The following FUT8 variants were observed in gnomAD, a reference collection of about 807,000 sequenced individuals.
FUT8 encodes alpha-(1,6)-fucosyltransferase.
FUT8 carries 29 observed loss-of-function variants against 71.3 expected under a neutral mutation model. The ratio of observed to expected loss-of-function variants is 0.41; its 90% CI spans 0.30 to 0.55. The LOEUF is 0.55. FUT8 is among the 20% of genes least tolerant of loss of function. The pLI is 0.34. For missense variants in FUT8, 544 were observed against 702.1 expected, an observed-to-expected ratio of 0.77 and a Z score of 2.55; for synonymous variants, 254 against 239.3, an observed-to-expected ratio of 1.06 and a Z score of -0.57.
At chr14:65,629,694 C>T in intron 6 of FUT8, 88 bp downstream of exon 6, 1 of 869,810 alleles carries the variant, frequency 1.1e-6, no homozygotes, top group South Asian at 1.5e-5. Context: ...TGTTTTTAGT[C>T]TTCCTGGCCC....
intron 3 of FUT8, among the ~76,000 whole-genome samples, chr14:65,591,822 T>C (rs1434294823): frequency 1.3e-5 from 2 of 151,632 alleles, no homozygotes; most frequent in Non-Finnish European, 2.9e-5. Flanking sequence ...ATGTGCACTA[T>C]TGAAGCATTG....
At chr14:65,439,954 G>GTATATGTATATATA (rs2065621718) in intron 1 of FUT8, among the ~76,000 whole-genome samples, 1 of 74,984 alleles carries the variant, frequency 1.3e-5, no homozygotes. Context: ...GTGTGTGTGT[G>GTATATGTATATATA]TATATATATA....
At chr14:65,546,555 T>G (rs1301729545) in intron 2 of FUT8, among the ~76,000 whole-genome samples, 1 of 151,862 alleles carries the variant, frequency 6.6e-6, no homozygotes, top group African/African-American at 2.4e-5. Context: ...CATAATTTGT[T>G]TATCCATTCA....
At chr14:65,562,437 G>T (rs760848531) in intron 3 of FUT8, among the ~76,000 whole-genome samples, 11 of 152,060 alleles carry the variant, frequency 7.2e-5, no homozygotes, top group Non-Finnish European at 1.3e-4. Flanking sequence ...TTTCTAGTCT[G>T]TAAAAAATGT....
intron 7 of FUT8, among the ~76,000 whole-genome samples, chr14:65,675,016 A>C (rs1001328083): frequency 6.6e-6 from 1 of 152,262 alleles, no homozygotes; most frequent in African/African-American, 2.4e-5. Flanking sequence ...CACAAAAGAA[A>C]GAAAGATCTT....
rs1890305879 is a variant in FUT8 at position 65,633,195 on chromosome 14, T to A, written c.597+3589T>A. Among the ~76,000 whole-genome samples, 7 of 152,262 alleles carry A rather than the reference T, an allele frequency of 4.6e-5. No individual in the cohort carries two copies. The South Asian group carries it at 1.5e-3, about 32-fold the overall frequency. The stretch of plus-strand genomic sequence containing the variant: ...CGCCACGCCTGACTGGTTTTCGTAT[T>A]TTTTTGGTGGAGACGGGGTTTCGCT... On this transcript the variant is annotated intron_variant, in intron 6 of 10. Transcript: ENST00000673929.
Position 65,472,320 on chromosome 14 carries a change from G to T in FUT8, c.-228+16602G>T, listed in dbSNP as rs1268062270. Among the ~76,000 whole-genome samples, 4 of 152,080 alleles carry T rather than the reference G, an allele frequency of 2.6e-5. No homozygotes were observed. Among genetic ancestry groups the T allele is most frequent in the African/African-American group, 7.2e-5 (3 of 41,410 alleles). Reference sequence around the variant, plus strand: ...ACAAATAGAGTGAGACCTCAAGCATGCCTGAGGAAGAGCATTAATTTATTC... The same window carrying T: ...ACAAATAGAGTGAGACCTCAAGCATTCCTGAGGAAGAGCATTAATTTATTC... On this transcript the variant is annotated intron_variant, in intron 2 of 10. Transcript: ENST00000673929. The surrounding 1 kb of genome is among the most constrained non-coding windows in gnomAD (Gnocchi z 4.4).
At chr14:65,686,815 C>T (rs1446927280) in intron 7 of FUT8, among the ~76,000 whole-genome samples, 1 of 152,070 alleles carries the variant, frequency 6.6e-6, no homozygotes, top group African/African-American at 2.4e-5. Flanking sequence ...ACCTTTATGT[C>T]AATATTAACC....
intron 7 of FUT8, among the ~76,000 whole-genome samples, chr14:65,677,151 T>TGTGTGCGCGCGCGCGCGC: frequency 2.7e-5 from 3 of 110,700 alleles, no homozygotes; most frequent in Admixed American, 9.2e-5. Flanking sequence ...TGTGTGTGTG[T>TGTGTGCGCGCGCGCGCGC]GCGCGCGCGC....
upstream of FUT8, chr14:65,412,655 T>G (rs934682747): frequency 4.8e-6 from 1 of 207,222 alleles, no homozygotes; most frequent in Non-Finnish European, 9.9e-6. Context: ...CATGCCAGGG[T>G]CGCCGTAGGT....
chr14:65,636,287 C>A (rs1354332715), intron 6 of FUT8, among the ~76,000 whole-genome samples: 2 of 150,074 alleles, frequency 1.3e-5, no homozygotes, highest in Non-Finnish European at 3.0e-5. Flanking sequence ...GTTCAAAGAA[C>A]CTGCTTTTTG....
intron 2 of FUT8, among the ~76,000 whole-genome samples, chr14:65,527,198 G>A (rs1471293689): frequency 3.9e-5 from 6 of 152,122 alleles, no homozygotes; most frequent in Admixed American, 6.5e-5. Context: ...TTTCAGGTAT[G>A]CCAATCAGAC....
chr14:65,543,585 A>G (rs1216421474), intron 2 of FUT8, among the ~76,000 whole-genome samples: 1 of 152,152 alleles, frequency 6.6e-6, no homozygotes, highest in East Asian at 1.9e-4. Flanking sequence ...CTTGTAGGGT[A>G]TTGTAGTCAT....
intron 3 of FUT8, among the ~76,000 whole-genome samples, chr14:65,605,133 A>C (rs1469646275): frequency 6.6e-6 from 1 of 151,946 alleles, no homozygotes; most frequent in Non-Finnish European, 1.5e-5. Context: ...TTCTCTATTA[A>C]TGGACATCTA....
intron 1 of FUT8, among the ~76,000 whole-genome samples, chr14:65,432,756 G>A (rs886424007): frequency 2.0e-5 from 3 of 151,986 alleles, no homozygotes; most frequent in South Asian, 2.1e-4. Context: ...CATTAGCACC[G>A]CTCTATGACA....
chr14:65,583,905 A>C (rs2140120755), intron 3 of FUT8, among the ~76,000 whole-genome samples: 1 of 152,216 alleles, frequency 6.6e-6, no homozygotes, highest in Non-Finnish European at 1.5e-5. Context: ...TGTGAGATGG[A>C]GTCTCGCTCA....
intron 7 of FUT8, among the ~76,000 whole-genome samples, chr14:65,686,227 C>A (rs1893279590): frequency 6.6e-6 from 1 of 152,162 alleles, no homozygotes; most frequent in Admixed American, 6.5e-5. Context: ...GCCTTTTTGG[C>A]AGCTGGCTTT....
chr14:65,736,275 A>G (rs886132580), intron 10 of FUT8, among the ~76,000 whole-genome samples: 26 of 152,010 alleles, frequency 1.7e-4, no homozygotes, highest in Non-Finnish European at 3.5e-4. Flanking sequence ...ATTATTATAT[A>G]TATGAATAGT....
At chr14:65,469,017 G>GA (rs2066093848) in intron 2 of FUT8, among the ~76,000 whole-genome samples, 1 of 152,038 alleles carries the variant, frequency 6.6e-6, no homozygotes, top group Admixed American at 6.6e-5. Flanking sequence ...GCCGGTCTTA[G>GA]AAAAAAGGAC....
Sources: allele counts gnomAD v4.1 joint callset (sites outside exome capture counted in the v4.1 genomes callset), GRCh38; gene constraint gnomAD v4.1.1; non-coding constraint Gnocchi (gnomAD v3.1); transcripts MANE v1.5; gene names NCBI Gene and HGNC (gene_info 2026-07-23, HGNC 2026-07-21).